ATF7: variants seen among roughly 807,000 people sequenced by gnomAD.
The protein encoded by ATF7 is cyclic AMP-dependent transcription factor ATF-7.
Under a neutral mutation model 50.4 loss-of-function variants are expected in ATF7, and 10 were observed. The observed-to-expected ratio is 0.20, with a 90% CI of 0.12 to 0.34. The LOEUF is 0.34. Ranked by LOEUF, ATF7 falls within the 10% of genes least tolerant of loss-of-function variation. The pLI is 1.00. For synonymous variants in ATF7, 201 were observed against 226.4 expected, an observed-to-expected ratio of 0.89 and a Z score of 1.01; for missense variants, 465 against 613.9, an observed-to-expected ratio of 0.76 and a Z score of 2.56.
At position 53,537,420 on chromosome 12, in the gene ATF7, C is replaced by T. The variant is rs773338922; in HGVS notation, c.397G>A (p.Glu133Lys). Reference sequence around the variant, plus strand: ...ATCCTTGGTAGAGAATTTACCTTCTCCTTCAGTGGTGGGGAACAGGGACTA... The same window carrying T: ...ATCCTTGGTAGAGAATTTACCTTCTTCTTCAGTGGTGGGGAACAGGGACTA... ...ASSPCSPPLK[E>K]KEVTPKPVLI... The change falls in exon 5 of 12, where the codon GAG (glutamate) becomes AAG (lysine). Residue 133 changes from glutamate (E) to lysine (K), a missense_variant. Coordinates refer to ENST00000420353, the MANE Select transcript of ATF7 (RefSeq NM_006856.3). The T allele has an allele frequency of 6.2e-6, 10 of 1,613,462 alleles. No individual in the cohort carries two copies. The East Asian group carries it at 2.2e-4, about 36-fold the overall frequency.
chr12:53,534,059 C>T (rs1271406020), intron 6 of ATF7, among the ~76,000 whole-genome samples: 2 of 152,198 alleles, frequency 1.3e-5, no homozygotes, highest in Non-Finnish European at 2.9e-5. Flanking sequence ...AGGCGGATCA[C>T]GAGGTCAGGA....
intron 2 of ATF7, among the ~76,000 whole-genome samples, chr12:53,568,372 C>G (rs188221805): frequency 3.3e-5 from 5 of 152,160 alleles, no homozygotes; most frequent in Non-Finnish European, 7.3e-5. Flanking sequence ...AAACTTGGTT[C>G]AAGTTTACAA....
chr12:53,618,548 C>T (rs1194325936), intron 1 of ATF7, among the ~76,000 whole-genome samples: 1 of 152,126 alleles, frequency 6.6e-6, no homozygotes, highest in East Asian at 1.9e-4. Flanking sequence ...CTAAAATTAA[C>T]AAGCAGGAAA....
intron 2 of ATF7, among the ~76,000 whole-genome samples, chr12:53,564,764 T>C (rs1453143918): frequency 2.0e-5 from 3 of 152,238 alleles, no homozygotes; most frequent in South Asian, 4.1e-4. Context: ...CAATGCATTA[T>C]TATTCTACAT....
intron 1 of ATF7, among the ~76,000 whole-genome samples, chr12:53,619,230 C>T: frequency 6.6e-6 from 1 of 152,006 alleles, no homozygotes; most frequent in Non-Finnish European, 1.5e-5. Context: ...GTGGCTCACA[C>T]TGTAAGCCCA....
intron 1 of ATF7, among the ~76,000 whole-genome samples, chr12:53,616,882 T>G (rs1024531847): frequency 6.7e-6 from 1 of 150,012 alleles, no homozygotes; most frequent in Non-Finnish European, 1.5e-5. Context: ...GAGGCGGAGA[T>G]TGCAGTGAGC....
intron 2 of ATF7, among the ~76,000 whole-genome samples, chr12:53,567,682 G>A (rs1349811035): frequency 6.6e-6 from 1 of 152,202 alleles, no homozygotes; most frequent in Non-Finnish European, 1.5e-5. Flanking sequence ...TCCTATGTCA[G>A]TTACATGGCT....
Position 53,534,678 on chromosome 12 carries a change from C to T in ATF7, c.403-19G>A, listed in dbSNP as rs754518298. 1.2e-6 allele frequency: 2 copies of T among 1,606,710 alleles called. No homozygotes were observed. Among genetic ancestry groups the T allele is most frequent in the East Asian group, 4.5e-5 (2 of 44,810 alleles). ...TAACCTCCTGGAGAAAAGAAACCAACAGATCACAAAATGTTTTAAGGTGTG... is the reference window on the plus strand; with the variant it reads ...TAACCTCCTGGAGAAAAGAAACCAATAGATCACAAAATGTTTTAAGGTGTG... On this transcript the variant is annotated intron_variant, in intron 5 of 11. Coordinates refer to ENST00000420353, the MANE Select transcript of ATF7 (RefSeq NM_006856.3).
chr12:53,535,327 T>TAAAAAAAAA (rs1418200711), intron 5 of ATF7, among the ~76,000 whole-genome samples: 1 of 100,324 alleles, frequency 1.0e-5, no homozygotes, highest in African/African-American at 5.4e-5. Context: ...AGACTCTGCC[T>TAAAAAAAAA]CAAAAAAAAA....
chr12:53,563,667 T>C (rs574946779), intron 2 of ATF7, among the ~76,000 whole-genome samples: 10 of 152,362 alleles, frequency 6.6e-5, no homozygotes, highest in East Asian at 5.8e-4. Context: ...CTCACACTTA[T>C]TTTTTATCCT....
At chr12:53,533,978 T>A (rs1939060733) in intron 6 of ATF7, among the ~76,000 whole-genome samples, 1 of 152,124 alleles carries the variant, frequency 6.6e-6, no homozygotes, top group Non-Finnish European at 1.5e-5. Context: ...ACCCTTAAAT[T>A]AAGAAAGTAT....
chr12:53,543,137 G>A, intron 4 of ATF7, 193 bp downstream of exon 4: 1 of 1,481,142 alleles, frequency 6.8e-7, no homozygotes, highest in Non-Finnish European at 8.9e-7. Flanking sequence ...GACTTGTGCT[G>A]ATCCATCATC....
intron 3 of ATF7, among the ~76,000 whole-genome samples, chr12:53,544,899 T>C (rs968266982): frequency 2.7e-5 from 3 of 109,990 alleles, no homozygotes; most frequent in Non-Finnish European, 5.4e-5. Context: ...AAGTTACCAC[T>C]ACTTCTCAAA....
intron 2 of ATF7, among the ~76,000 whole-genome samples, chr12:53,571,628 T>C (rs1941767696): frequency 6.9e-6 from 1 of 145,336 alleles, no homozygotes; most frequent in African/African-American, 2.6e-5. Flanking sequence ...ACAGTGAGAC[T>C]CCATCTCTTT....
intron 2 of ATF7, among the ~76,000 whole-genome samples, chr12:53,573,876 A>C (rs1342093310): frequency 1.3e-5 from 2 of 152,204 alleles, no homozygotes; most frequent in Admixed American, 6.5e-5. Flanking sequence ...AGAAAACAAA[A>C]CTGAGAAGCA....
chr12:53,532,884 T>C (rs1410996302), intron 7 of ATF7, among the ~76,000 whole-genome samples: 1 of 152,146 alleles, frequency 6.6e-6, no homozygotes, highest in Non-Finnish European at 1.5e-5. Context: ...GTTGGGCAAT[T>C]TGGGAGGTGC....
At chr12:53,567,509 C>A (rs7315337) in intron 2 of ATF7, among the ~76,000 whole-genome samples, 1,858 of 152,320 alleles carry the variant, frequency 0.012, 13 homozygotes, top group Non-Finnish European at 0.02. Flanking sequence ...TTATCAAACT[C>A]CAGGGCACTC....
At chr12:53,518,053 T>C (rs1160597112) in intron 11 of ATF7, among the ~76,000 whole-genome samples, 2 of 151,976 alleles carry the variant, frequency 1.3e-5, no homozygotes, top group African/African-American at 2.4e-5. Context: ...TTAGTAGAGA[T>C]GGGGTTTTGC....
rs534236682 is a variant in ATF7 at position 53,523,809 on chromosome 12, T to C, written c.1126-425A>G. On this transcript the variant is annotated intron_variant, in intron 10 of 11. Coordinates refer to ENST00000420353, the MANE Select transcript of ATF7 (RefSeq NM_006856.3). ...TATAACATCACTACACTACAGAATA[T>C]ACTACTATACAGCTATTAAAAAGAA... Among the ~76,000 whole-genome samples, 3 of 152,278 alleles carry C rather than the reference T, an allele frequency of 2.0e-5. No homozygotes were observed. In the South Asian group the frequency reaches 6.2e-4, roughly 32 times the overall value.
Sources: gnomAD v4.1 joint callset for allele counts (sites outside exome capture counted in the v4.1 genomes callset) on GRCh38, gnomAD v4.1.1 for gene constraint, MANE v1.5 for transcripts, NCBI Gene and HGNC (gene_info 2026-07-23, HGNC 2026-07-21) for gene names.